RCN3: variants seen among roughly 807,000 people sequenced by gnomAD.
RCN3 encodes reticulocalbin 3.
A neutral mutation model predicts 35.9 loss-of-function variants in RCN3; 41 were observed. That is an observed-to-expected ratio of 1.14 (90% CI 0.89 to 1.48). RCN3 has a LOEUF of 1.48. Ranked by LOEUF, RCN3 falls within the 40% of genes most tolerant of loss-of-function variation. The probability of loss-of-function intolerance (pLI) is 0.00; values close to 1 mark genes in which losing one functional copy is unlikely to be tolerated. For synonymous variants in RCN3, 187 were observed against 193.4 expected (o/e 0.97, Z 0.27); for missense variants, 451 against 471.3 (o/e 0.96, Z 0.40).
intron 2 of RCN3, among the ~76,000 whole-genome samples, chr19:49,533,056 C>T (rs1241664755): frequency 2.0e-5 from 3 of 152,206 alleles, no homozygotes; most frequent in African/African-American, 7.2e-5. Context: ...TTTCTTCCTC[C>T]GTTTTACAGA....
chr19:49,542,790 T>C (rs1568713374), intron 6 of RCN3, 38 bp downstream of exon 6: 2 of 1,534,696 alleles, frequency 1.3e-6, no homozygotes, highest in Non-Finnish European at 8.8e-7. Context: ...GAGGAGCGGG[T>C]GGGCATTGCG....
chr19:49,539,707 G>A (rs370673278), intron 5 of RCN3, among the ~76,000 whole-genome samples: 16 of 149,592 alleles, frequency 1.1e-4, no homozygotes, highest in African/African-American at 3.0e-4. Flanking sequence ...CAAGGAGAAC[G>A]CTAACAAGGA....
At chr19:49,539,718 ATTTTTTTTTT>A (rs58021494) in intron 5 of RCN3, among the ~76,000 whole-genome samples, 2 of 119,198 alleles carry the variant, frequency 1.7e-5, no homozygotes, top group African/African-American at 3.3e-5. Flanking sequence ...CTAACAAGGA[ATTTTTTTTTT>A]TTTTTTTTTT....
chr19:49,537,070 C>T lies in RCN3; in HGVS notation c.483C>T (p.Tyr161=), dbSNP rs2080139142. 2.5e-6 allele frequency: 4 copies of T among 1,578,806 alleles called. No individual in the cohort carries two copies. Among genetic ancestry groups the T allele is most frequent in the Non-Finnish European group, 3.4e-6 (4 of 1,160,232 alleles). ...ATGACGTGGAGGATGCAGAGACCTA[C>T]AAAAAGATGCTGGCTCGGGACGAGC... The part of the protein sequence containing the change: ...EFHDVEDAET[Y]KKMLARDERR... Residue 161 remains tyrosine (Y), a synonymous_variant, in exon 4 of 7, where the codon TAC becomes TAT. Transcript: ENST00000270645.
rs145784324 is a variant in RCN3, at chr19:49,541,486, C to T, written c.680-1067C>T. On this transcript the variant is annotated intron_variant, in intron 5 of 6. Coordinates refer to ENST00000270645, the MANE Select transcript of RCN3 (RefSeq NM_020650.3). Reference sequence around the variant, plus strand: ...AAATTGGGGTGGGTGCCATGGCTCACGCCTGTATTCCCAGCACTTTAGGAG... The same window carrying T: ...AAATTGGGGTGGGTGCCATGGCTCATGCCTGTATTCCCAGCACTTTAGGAG... Among the ~76,000 whole-genome samples, 37 of 152,226 alleles carry T rather than the reference C, an allele frequency of 2.4e-4. 1 individual carries two copies. In the East Asian group the frequency reaches 4.8e-3, roughly 20 times the overall value.
intron 6 of RCN3, among the ~76,000 whole-genome samples, 172 bp downstream of exon 6, chr19:49,542,924 G>C (rs1231296354): frequency 6.6e-6 from 1 of 151,948 alleles, no homozygotes; most frequent in Non-Finnish European, 1.5e-5. Flanking sequence ...AAAGAGAGGG[G>C]GACAGAGACC....
intron 5 of RCN3, among the ~76,000 whole-genome samples, chr19:49,540,475 C>A (rs2122738930): frequency 1.3e-5 from 2 of 152,156 alleles, no homozygotes; most frequent in East Asian, 3.9e-4. Context: ...CAAAAATTAG[C>A]CGGGCCTGTT....
rs1256977833 is a variant in RCN3, at chr19:49,536,913, A to G, written c.446-120A>G. ...GAGCCACTGCATCCAGCCTACTGAT[A>G]TATACTTATTAACTCCACAGAAATC... On this transcript the variant is annotated intron_variant, in intron 3 of 6. Coordinates refer to ENST00000270645, the MANE Select transcript of RCN3 (RefSeq NM_020650.3). 1.6e-5 allele frequency: 15 copies of G among 939,112 alleles called. No homozygotes were observed. The Admixed American group carries it at 4.3e-4, about 27-fold the overall frequency. The allele number at this position is 939,112 out of a possible 1,614,324, so 58.2% of individuals were successfully genotyped here. A position where few individuals can be genotyped will look rare whatever the true frequency, so the allele number is the denominator to read the frequency against.
chr19:49,532,888 C>A (rs993798331), intron 2 of RCN3, among the ~76,000 whole-genome samples: 1 of 152,042 alleles, frequency 6.6e-6, no homozygotes, highest in Non-Finnish European at 1.5e-5. Flanking sequence ...GTGGACCAGG[C>A]TGGTCTGGAA....
chr19:49,528,946 C>T (rs1422125863), intron 2 of RCN3, among the ~76,000 whole-genome samples: 3 of 152,110 alleles, frequency 2.0e-5, no homozygotes, highest in African/African-American at 4.8e-5. Context: ...CTTTGGGAGG[C>T]CAAGGCAGGC....
At chr19:49,532,992 C>T (rs1004340292) in intron 2 of RCN3, among the ~76,000 whole-genome samples, 2 of 152,200 alleles carry the variant, frequency 1.3e-5, no homozygotes, top group Admixed American at 1.3e-4. Flanking sequence ...AAGTGCTTTA[C>T]ATGGCCTAAC....
chr19:49,538,357 C>T (rs1423975313), intron 4 of RCN3, among the ~76,000 whole-genome samples: 24 of 146,050 alleles, frequency 1.6e-4, no homozygotes, highest in Non-Finnish European at 3.3e-4. Flanking sequence ...TTAGTAGAGA[C>T]GGGGTTTCAC....
intron 3 of RCN3, among the ~76,000 whole-genome samples, chr19:49,535,065 G>T (rs2080127982): frequency 6.6e-6 from 1 of 152,000 alleles, no homozygotes; most frequent in African/African-American, 2.4e-5. Flanking sequence ...CGGGGGCGGG[G>T]TTCTTCATGC....
chr19:49,543,374 C>T lies in RCN3; in HGVS notation c.*161C>T. The T allele has an allele frequency of 1.6e-6, 1 of 635,770 alleles. No individual in the cohort carries two copies. Among genetic ancestry groups the T allele is most frequent in the South Asian group, 1.8e-5 (1 of 55,652 alleles). The allele number at this position is 635,770 out of a possible 1,614,324, so 39.4% of individuals were successfully genotyped here. A position where few individuals can be genotyped will look rare whatever the true frequency, so the allele number is the denominator to read the frequency against. On this transcript the variant is annotated 3_prime_UTR_variant, in exon 7 of 7. Transcript: ENST00000270645. ...AGGGACCCCCTGGGTCGGCTTCTGT[C>T]CCTGTCACACCCCCAACCCCAGGGA...
intron 1 of RCN3, 129 bp downstream of exon 1, chr19:49,528,187 G>T: frequency 2.6e-6 from 1 of 386,200 alleles, no homozygotes; most frequent in Non-Finnish European, 4.6e-6. Flanking sequence ...CCTGCACCTT[G>T]CGTGGGATGT....
At chr19:49,535,040 T>G (rs1276962567) in intron 3 of RCN3, among the ~76,000 whole-genome samples, 1 of 151,972 alleles carries the variant, frequency 6.6e-6, no homozygotes, top group African/African-American at 2.4e-5. Flanking sequence ...GTCCAGTCTG[T>G]CCTCCACAGG....
rs376350518 is a variant in RCN3, at chr19:49,537,052, G to A, written c.465G>A (p.Val155=). The change falls in exon 4 of 7, where the codon GTG becomes GTA. Residue 155 remains valine (V), a synonymous_variant. Coordinates refer to ENST00000270645, the MANE Select transcript of RCN3 (RefSeq NM_020650.3). ...HYAPGEEFHD[V]EDAETYKKML... ...CCCCAGGTGAAGAATTTCATGACGTGGAGGATGCAGAGACCTACAAAAAGA... is the reference window on the plus strand; with the variant it reads ...CCCCAGGTGAAGAATTTCATGACGTAGAGGATGCAGAGACCTACAAAAAGA... The A allele has an allele frequency of 5.2e-6, 8 of 1,551,210 alleles. No homozygotes were observed. The highest frequency in any genetic ancestry group is 1.2e-5 in the South Asian group (1 of 83,754).
intron 3 of RCN3, 88 bp from the exon 4 acceptor site, chr19:49,536,945 C>A: frequency 2.4e-6 from 3 of 1,248,340 alleles, no homozygotes; most frequent in Non-Finnish European, 3.3e-6. Flanking sequence ...AATCTTTGTA[C>A]CCCAGTAGGA....
intron 2 of RCN3, among the ~76,000 whole-genome samples, chr19:49,529,308 T>C (rs1391887335): frequency 6.6e-6 from 1 of 152,188 alleles, no homozygotes; most frequent in African/African-American, 2.4e-5. Flanking sequence ...AGTTTCCTGC[T>C]CTGTAAATGG....
Sources: gnomAD v4.1 joint callset for allele counts (sites outside exome capture counted in the v4.1 genomes callset) on GRCh38, gnomAD v4.1.1 for gene constraint, MANE v1.5 for transcripts, NCBI Gene and HGNC (gene_info 2026-07-23, HGNC 2026-07-21) for gene names.